KCNQ1: variants seen among roughly 807,000 people sequenced by gnomAD.
The protein encoded by KCNQ1 is potassium voltage-gated channel subfamily KQT member 1.
Under a neutral mutation model 72.4 loss-of-function variants are expected in KCNQ1, and 49 were observed. The ratio of observed to expected loss-of-function variants is 0.68; its 90% confidence interval spans 0.54 to 0.86. The LOEUF is 0.86. KCNQ1 is among the 40% of genes least tolerant of loss of function. The probability of loss-of-function intolerance (pLI) is 0.00; values close to 1 mark genes in which losing one functional copy is unlikely to be tolerated. For missense variants in KCNQ1, 790 were observed against 945.1 expected (o/e 0.84, Z 2.15); for synonymous variants, 450 against 412.6 (o/e 1.09, Z -1.10).
rs993863719 is a variant in KCNQ1, at chr11:2,547,172, T to G, written c.477+19154T>G. On this transcript the variant is annotated intron_variant, in intron 2 of 15. Transcript: ENST00000155840. This position sits in a 1 kb window ranked among gnomAD's most constrained non-coding sequence, Gnocchi z 4.2. ...TGTCACGGTTGCTGTTGTAGTTTTC[T>G]TTACAATATGTGTATTATTTTCTTT... is the stretch of plus-strand genomic sequence containing the variant. Among the ~76,000 whole-genome samples, 2 of 152,240 alleles carry G rather than the reference T, an allele frequency of 1.3e-5. No individual in the cohort carries two copies. Among genetic ancestry groups the G allele is most frequent in the Non-Finnish European group, 2.9e-5 (2 of 68,036 alleles).
Position 2,725,457 on chromosome 11 carries a change from C to T in KCNQ1, c.1515-43387C>T, listed in dbSNP as rs1845742526. On this transcript the variant is annotated intron_variant, in intron 11 of 15. Coordinates refer to ENST00000155840, the MANE Select transcript of KCNQ1 (RefSeq NM_000218.3). The surrounding 1 kb of genome is among the most constrained non-coding windows in gnomAD (Gnocchi z 7.2). ...AGCCCACTTTTTGCGTGGAGGTGAC[C>T]TGCCATTTGTCCGGTTGGGGGTCCC... Among the ~76,000 whole-genome samples, 1 of 152,192 alleles carries T rather than the reference C, an allele frequency of 6.6e-6. No individual in the cohort carries two copies.
intron 10 of KCNQ1, among the ~76,000 whole-genome samples, chr11:2,606,425 G>A (rs9667198): frequency 0.27 from 41,463 of 152,038 alleles, 6,866 homozygotes; most frequent in African/African-American, 0.47. Context: ...TACCATCCCC[G>A]TGGTAATGAG....
intron 2 of KCNQ1, among the ~76,000 whole-genome samples, chr11:2,570,096 GTTCC>G (rs1848304823): frequency 1.3e-5 from 2 of 150,994 alleles, no homozygotes; most frequent in African/African-American, 5.0e-5. Context: ...GGCACCCGGG[GTTCC>G]TGGCGTGGGA....
rs1452563825 is a variant in KCNQ1 at position 2,613,110 on chromosome 11, T to C, written c.1393+24256T>C. 2.5e-6 allele frequency: 1 copy of C among 398,660 alleles called. No individual in the cohort carries two copies. 24.7% of individuals were successfully genotyped at this position (398,660 alleles called of 1,614,324 possible). ...TTAGTCAGACATTTGTTTAAACATC[T>C]TGAGCCAGTGAATCTTCCACCCTCT... On this transcript the variant is annotated intron_variant, in intron 10 of 15. Coordinates refer to ENST00000155840, the MANE Select transcript of KCNQ1 (RefSeq NM_000218.3). This position sits in a 1 kb window ranked among gnomAD's most constrained non-coding sequence, Gnocchi z 4.8.
chr11:2,806,107 T>A (rs1312161255), intron 15 of KCNQ1, among the ~76,000 whole-genome samples: 1 of 152,178 alleles, frequency 6.6e-6, no homozygotes, highest in Non-Finnish European at 1.5e-5. Context: ...TGGTCCCAGT[T>A]TCTGGGGTGG....
chr11:2,761,711 C>T (rs1846398989), intron 11 of KCNQ1, among the ~76,000 whole-genome samples: 1 of 152,224 alleles, frequency 6.6e-6, no homozygotes, highest in African/African-American at 2.4e-5. Context: ...ACAGGGTGGA[C>T]TGTGTTCAGC....
chr11:2,502,123 T>C (rs990062060), intron 1 of KCNQ1, among the ~76,000 whole-genome samples: 1 of 152,190 alleles, frequency 6.6e-6, no homozygotes, highest in African/African-American at 2.4e-5. Flanking sequence ...GCCTTTCCTC[T>C]AAGACCTGGA....
At chr11:2,797,165 G>C (rs574610112) in intron 15 of KCNQ1, among the ~76,000 whole-genome samples, 86 of 152,310 alleles carry the variant, frequency 5.6e-4, no homozygotes, top group Admixed American at 1.8e-3. Flanking sequence ...AGACCTGGGG[G>C]GGTGGCGGGG....
At chr11:2,667,711 G>A in intron 11 of KCNQ1, 1 of 398,788 alleles carries the variant, frequency 2.5e-6, no homozygotes, top group Non-Finnish European at 4.4e-6. Context: ...AGGAAGTCTG[G>A]AAGCCGTGTC....
chr11:2,721,905 C>G (rs552000844), intron 11 of KCNQ1, among the ~76,000 whole-genome samples: 17 of 152,342 alleles, frequency 1.1e-4, no homozygotes, highest in African/African-American at 3.8e-4. Context: ...CCACCGTGGA[C>G]TTCTCATTGG....
chr11:2,622,462 A>G (rs1272012659), intron 10 of KCNQ1: 2 of 398,320 alleles, frequency 5.0e-6, no homozygotes, highest in Admixed American at 8.8e-5. Flanking sequence ...AGTTTGTTAT[A>G]TACAGCATAG....
chr11:2,661,564 C>A lies in KCNQ1; in HGVS notation c.1394-397C>A. 1.8e-6 allele frequency: 1 copy of A among 545,212 alleles called. No individual in the cohort carries two copies. The highest frequency in any genetic ancestry group is 3.3e-6 in the Non-Finnish European group (1 of 307,240). The allele number at this position is 545,212 out of a possible 1,614,324, so 33.8% of individuals were successfully genotyped here. A position where few individuals can be genotyped will look rare whatever the true frequency, so the allele number is the denominator to read the frequency against. Reference sequence around the variant, plus strand: ...CTACTCTGTCAATGTATGAGTGTGACAATGTATGGTGGTGGGAGCTGTTGT... The same window carrying A: ...CTACTCTGTCAATGTATGAGTGTGAAAATGTATGGTGGTGGGAGCTGTTGT... On this transcript the variant is annotated intron_variant, in intron 10 of 15. Coordinates refer to ENST00000155840, the MANE Select transcript of KCNQ1 (RefSeq NM_000218.3). This position sits in a 1 kb window ranked among gnomAD's most constrained non-coding sequence, Gnocchi z 5.9.
chr11:2,591,545 T>C (rs929151739), intron 10 of KCNQ1, among the ~76,000 whole-genome samples: 1 of 152,200 alleles, frequency 6.6e-6, no homozygotes, highest in Non-Finnish European at 1.5e-5. Flanking sequence ...TTTCTGCGCA[T>C]GCTAACGGGC....
At position 2,509,612 on chromosome 11, in the gene KCNQ1, C is replaced by A. The variant is rs998762876; in HGVS notation, c.387-18316C>A. 6.6e-6 allele frequency among the ~76,000 whole-genome samples: 1 copy of A among 152,184 alleles called. No individual in the cohort carries two copies. The highest frequency in any genetic ancestry group is 2.4e-5 in the African/African-American group (1 of 41,440). ...GAGGGCAGTAGTGCAGGTCGTGGTCCCAGATGGCCACGGAGGTGTCAGCGT... is the reference window on the plus strand; with the variant it reads ...GAGGGCAGTAGTGCAGGTCGTGGTCACAGATGGCCACGGAGGTGTCAGCGT... On this transcript the variant is annotated intron_variant, in intron 1 of 15. Coordinates refer to ENST00000155840, the MANE Select transcript of KCNQ1 (RefSeq NM_000218.3). The surrounding 1 kb of genome is among the most constrained non-coding windows in gnomAD (Gnocchi z 6.3).
rs11024175 is a variant in KCNQ1 at position 2,809,335 on chromosome 11, C to T, written c.1794+31298C>T. ...ATAAAATGTGGGACGCTGGACTCAT[C>T]GTGGGTTTTTGCGGTCTTCTCTCAG... On this transcript the variant is annotated intron_variant, in intron 15 of 15. Coordinates refer to ENST00000155840, the MANE Select transcript of KCNQ1 (RefSeq NM_000218.3). The surrounding 1 kb of genome is among the most constrained non-coding windows in gnomAD (Gnocchi z 7.1). Among the ~76,000 whole-genome samples, 30,780 of 152,090 alleles carry T rather than the reference C, an allele frequency of 0.2. 3,640 individuals carry two copies. The highest frequency in any genetic ancestry group is 0.42 in the East Asian group (2,174 of 5,164).
In KCNQ1 at chr11:2,627,351, A is replaced by G. The variant is rs12365197; in HGVS notation, c.1394-34610A>G. The G allele has an allele frequency of 0.15, 58,564 of 398,370 alleles. 4,523 individuals carry two copies. The highest frequency in any genetic ancestry group is 0.2 in the African/African-American group (9,805 of 48,646). 24.7% of individuals were successfully genotyped at this position (398,370 alleles called of 1,614,324 possible). On this transcript the variant is annotated intron_variant, in intron 10 of 15. Coordinates refer to ENST00000155840, the MANE Select transcript of KCNQ1 (RefSeq NM_000218.3). The surrounding 1 kb of genome is among the most constrained non-coding windows in gnomAD (Gnocchi z 4.9). Reference sequence around the variant, plus strand: ...TACCTAAGCTATACTCTCTTAGCAAATTCCAAGTATAGAATATATTAACTA... The same window carrying G: ...TACCTAAGCTATACTCTCTTAGCAAGTTCCAAGTATAGAATATATTAACTA...
chr11:2,515,033 T>A lies in KCNQ1; in HGVS notation c.387-12895T>A, dbSNP rs1384086792. Among the ~76,000 whole-genome samples the A allele has an allele frequency of 1.3e-5, 2 of 152,218 alleles. No homozygotes were observed. On this transcript the variant is annotated intron_variant, in intron 1 of 15. Transcript: ENST00000155840. The surrounding 1 kb of genome is among the most constrained non-coding windows in gnomAD (Gnocchi z 4.7). ...CTTCCTCAAGTCTTTCTTGTTTTTT[T>A]ATGTTATTTTATTTTAGATTTGAGG...
chr11:2,452,483 A>G (rs1846130958), intron 1 of KCNQ1, among the ~76,000 whole-genome samples: 1 of 151,524 alleles, frequency 6.6e-6, no homozygotes, highest in Admixed American at 6.6e-5. Flanking sequence ...AGAGGGGTAG[A>G]CCCCTCCCAG....
rs147278439 is a variant in KCNQ1 at position 2,733,857 on chromosome 11, C to CTCTCTCTCTCACTCTTTCTCTCT, written c.1515-34987_1515-34986insTCTCTCTCTCACTCTTTCTCTCT. ...TCTCTCTCTCTCTCTCTCTCTCTCT[C>CTCTCTCTCTCACTCTTTCTCTCT]CCCCCCCACTTCAGGGCCTTCGCGC... On this transcript the variant is annotated intron_variant, in intron 11 of 15. Coordinates refer to ENST00000155840, the MANE Select transcript of KCNQ1 (RefSeq NM_000218.3). Among the ~76,000 whole-genome samples, 8 of 76,368 alleles carry CTCTCTCTCTCACTCTTTCTCTCT rather than the reference C, an allele frequency of 1.0e-4. 1 individual carries two copies. The highest frequency in any genetic ancestry group is 2.4e-4 in the African/African-American group (4 of 16,474). The allele number at this position is 76,368 out of a possible 152,430, so 50.1% of individuals were successfully genotyped here.
Sources: allele counts gnomAD v4.1 joint callset (sites outside exome capture counted in the v4.1 genomes callset), GRCh38; gene constraint gnomAD v4.1.1; non-coding constraint Gnocchi (gnomAD v3.1); transcripts MANE v1.5; gene names NCBI Gene and HGNC (gene_info 2026-07-23, HGNC 2026-07-21).